Variants in TRIM62 observed in about 807,000 individuals in gnomAD.
TRIM62 encodes the protein E3 ubiquitin-protein ligase TRIM62.
TRIM62 carries 39 observed loss-of-function variants against 44.2 expected under a neutral mutation model. That is an observed-to-expected ratio of 0.88 (90% CI 0.68 to 1.15). TRIM62 has a LOEUF of 1.15. Among genes scored for constraint, TRIM62 ranks in the 50% most tolerant of loss-of-function variants. The probability of loss-of-function intolerance (pLI) is 0.00; values close to 1 mark genes in which losing one functional copy is unlikely to be tolerated. For synonymous variants in TRIM62, 278 were observed against 292.3 expected, an observed-to-expected ratio of 0.95 and a Z score of 0.50; for missense variants, 544 against 665.5, an observed-to-expected ratio of 0.82 and a Z score of 2.01.
intron 2 of TRIM62, among the ~76,000 whole-genome samples, chr1:33,160,718 T>TA (rs1444666594): frequency 4.6e-5 from 7 of 152,126 alleles, no homozygotes; most frequent in African/African-American, 1.2e-4. Flanking sequence ...GTCTTTATTT[T>TA]AAAAAAATCA....
chr1:33,162,538 C>G (rs1322676230), intron 2 of TRIM62, among the ~76,000 whole-genome samples: 1 of 152,224 alleles, frequency 6.6e-6, no homozygotes, highest in Non-Finnish European at 1.5e-5. Flanking sequence ...GTGCCCATCC[C>G]AGAGCCTGGT....
At chr1:33,158,754 C>T (rs1645216832) in intron 3 of TRIM62, among the ~76,000 whole-genome samples, 1 of 152,210 alleles carries the variant, frequency 6.6e-6, no homozygotes, top group African/African-American at 2.4e-5. Context: ...GTCACAGAGA[C>T]CTAGGCTTGA....
chr1:33,174,578 C>G (rs1255693408), intron 1 of TRIM62, among the ~76,000 whole-genome samples: 3 of 152,074 alleles, frequency 2.0e-5, no homozygotes, highest in Non-Finnish European at 4.4e-5. Flanking sequence ...GAGAGGTAGG[C>G]TGGGGGAGAG....
chr1:33,156,471 G>A (rs1416674896), intron 4 of TRIM62, among the ~76,000 whole-genome samples: 1 of 152,104 alleles, frequency 6.6e-6, no homozygotes. Context: ...ACTCTCTCCT[G>A]GAAATGCTTC....
Position 33,181,360 on chromosome 1 carries a change from C to A in TRIM62, c.73G>T (p.Gly25Cys). The A allele has an allele frequency of 6.3e-7, 1 of 1,595,748 alleles. No homozygotes were observed. Residue 25 changes from glycine to cysteine, a missense_variant, in exon 1 of 5, where the codon GGC becomes TGC. Coordinates refer to ENST00000291416, the MANE Select transcript of TRIM62 (RefSeq NM_018207.3). This position sits in a 1 kb window ranked among gnomAD's most constrained non-coding sequence, Gnocchi z 6.5. ...LSIYQDPVSL[G>C]CEHYFCRRCI... Reference sequence around the variant, plus strand: ...CGGCGGCAGAAGTAATGCTCGCAGCCCAGGCTCACCGGGTCCTGGTAGATG... The same window carrying A: ...CGGCGGCAGAAGTAATGCTCGCAGCACAGGCTCACCGGGTCCTGGTAGATG...
intron 4 of TRIM62, among the ~76,000 whole-genome samples, chr1:33,157,342 G>A (rs1164047889): frequency 1.3e-5 from 2 of 152,060 alleles, no homozygotes; most frequent in Non-Finnish European, 2.9e-5. Context: ...TGCACTTGCT[G>A]TCCCCATGCC....
In TRIM62 at chr1:33,161,577, G is replaced by A. The variant is rs1373795132; in HGVS notation, c.505-1633C>T. Among the ~76,000 whole-genome samples, 1 of 152,162 alleles carries A rather than the reference G, an allele frequency of 6.6e-6. No individual in the cohort carries two copies. The highest frequency in any genetic ancestry group is 6.5e-5 in the Admixed American group (1 of 15,286). On this transcript the variant is annotated intron_variant, in intron 2 of 4. Transcript: ENST00000291416. The surrounding 1 kb of genome is among the most constrained non-coding windows in gnomAD (Gnocchi z 4.3). ...CTCGCTGCGCATGCCCACCCAGAACGCCAGGCAGACAAAGGGGGGCGGACG... is the reference window on the plus strand; with the variant it reads ...CTCGCTGCGCATGCCCACCCAGAACACCAGGCAGACAAAGGGGGGCGGACG...
rs1185594407 is a variant in TRIM62 at position 33,181,322 on chromosome 1, C to T, written c.111G>A (p.Glu37=). ...EHYFCRRCIT[E]HWVRQEAQGA... ...CCTGCGCCTCCTGCCGCACCCAGTG[C>T]TCCGTGATGCAGCGGCGGCAGAAGT... The change falls in exon 1 of 5, where the codon GAG becomes GAA. Residue 37 remains glutamate (E), a synonymous_variant. Transcript: ENST00000291416. This position sits in a 1 kb window ranked among gnomAD's most constrained non-coding sequence, Gnocchi z 6.5. The T allele has an allele frequency of 1.3e-6, 2 of 1,571,608 alleles. No homozygotes were observed. Among genetic ancestry groups the T allele is most frequent in the Non-Finnish European group, 1.7e-6 (2 of 1,162,926 alleles).
At position 33,167,360 on chromosome 1, in the gene TRIM62, T is replaced by C. The variant is rs777535081; in HGVS notation, c.409-1794A>G. 6.6e-6 allele frequency among the ~76,000 whole-genome samples: 1 copy of C among 152,248 alleles called. No homozygotes were observed. The highest frequency in any genetic ancestry group is 1.5e-5 in the Non-Finnish European group (1 of 68,044). On this transcript the variant is annotated intron_variant, in intron 1 of 4. Transcript: ENST00000291416. This position sits in a 1 kb window ranked among gnomAD's most constrained non-coding sequence, Gnocchi z 4.2. ...CTTGTCTGGCTTGTTCCCTGCCTTA[T>C]GCCCAGGGACTCAGTGATTATTTGT...
rs1645015137 is a variant in TRIM62, at chr1:33,145,838, T to C, written c.*1339A>G. On this transcript the variant is annotated 3_prime_UTR_variant, in exon 5 of 5. Coordinates refer to ENST00000291416, the MANE Select transcript of TRIM62 (RefSeq NM_018207.3). Reference sequence around the variant, plus strand: ...GCAGAAAAACGCAGGTGGGGCTTGCTCCACCCACCCTAACTTCCTTCTAGG... The same window carrying C: ...GCAGAAAAACGCAGGTGGGGCTTGCCCCACCCACCCTAACTTCCTTCTAGG... 1 of 470,878 alleles carries C rather than the reference T, an allele frequency of 2.1e-6. No individual in the cohort carries two copies. Among genetic ancestry groups the C allele is most frequent in the Non-Finnish European group, 4.4e-6 (1 of 226,920 alleles). The allele number at this position is 470,878 out of a possible 1,614,324, so 29.2% of individuals were successfully genotyped here. A position where few individuals can be genotyped will look rare whatever the true frequency, so the allele number is the denominator to read the frequency against.
At position 33,165,486 on chromosome 1, in the gene TRIM62, T is replaced by C. The variant is rs202210682; in HGVS notation, c.489A>G (p.Gln163=). Reference sequence around the variant, plus strand: ...CCAGGCTCACCTTGGTCTCCGCCAGTTGTCGCTTGAGCAGCTGCAGCGCTT... The same window carrying C: ...CCAGGCTCACCTTGGTCTCCGCCAGCTGTCGCTTGAGCAGCTGCAGCGCTT... ...HTEALQLLKR[Q]LAETKSSTKS... Residue 163 remains glutamine, a synonymous_variant, in exon 2 of 5, where the codon CAA becomes CAG. Coordinates refer to ENST00000291416, the MANE Select transcript of TRIM62 (RefSeq NM_018207.3). This position sits in a 1 kb window ranked among gnomAD's most constrained non-coding sequence, Gnocchi z 4.0. 2.9e-5 allele frequency: 47 copies of C among 1,606,778 alleles called. 1 individual carries two copies. In the Admixed American group the frequency reaches 4.4e-4, roughly 15 times the overall value.
intron 4 of TRIM62, among the ~76,000 whole-genome samples, chr1:33,154,503 ATT>A (rs1645146348): frequency 6.7e-6 from 1 of 150,102 alleles, no homozygotes. Context: ...TCTTAATTAA[ATT>A]TGTTTTTTTT....
In TRIM62 at chr1:33,159,665, G is replaced by A. The variant is rs781270353; in HGVS notation, c.761+23C>T. 1.9e-6 allele frequency: 3 copies of A among 1,589,980 alleles called. No homozygotes were observed. The highest frequency in any genetic ancestry group is 1.1e-5 in the South Asian group (1 of 90,398). On this transcript the variant is annotated intron_variant, in intron 3 of 4. Transcript: ENST00000291416. This position sits in a 1 kb window ranked among gnomAD's most constrained non-coding sequence, Gnocchi z 4.2. ...CGAGGAGGGGATGGTCAGCCGGGGA[G>A]GGCCCCGGCGGGTGGCACTTACCGC... is the stretch of plus-strand genomic sequence containing the variant.
rs1307636484 is a variant in TRIM62, at chr1:33,161,058, T to C, written c.505-1114A>G. On this transcript the variant is annotated intron_variant, in intron 2 of 4. Transcript: ENST00000291416. This position sits in a 1 kb window ranked among gnomAD's most constrained non-coding sequence, Gnocchi z 4.3. ...ATGGCAACGTCAGTTGCCTAAGAGC[T>C]GTGAACCTTAGTTTTCTTATCTGTG... is the stretch of plus-strand genomic sequence containing the variant. 1.3e-5 allele frequency among the ~76,000 whole-genome samples: 2 copies of C among 152,274 alleles called. No homozygotes were observed. Among genetic ancestry groups the C allele is most frequent in the South Asian group, 2.1e-4 (1 of 4,836 alleles).
At chr1:33,170,883 G>A (rs1645368658) in intron 1 of TRIM62, among the ~76,000 whole-genome samples, 1 of 152,202 alleles carries the variant, frequency 6.6e-6, no homozygotes, top group East Asian at 1.9e-4. Flanking sequence ...TGAGACAATG[G>A]TAAGAAGTGT....
At position 33,165,633 on chromosome 1, in the gene TRIM62, A is replaced by C; in HGVS notation, c.409-67T>G. On this transcript the variant is annotated intron_variant, in intron 1 of 4. Coordinates refer to ENST00000291416, the MANE Select transcript of TRIM62 (RefSeq NM_018207.3). The surrounding 1 kb of genome is among the most constrained non-coding windows in gnomAD (Gnocchi z 4.0). ...CTGGCCCAGGCATTCAGCCCTGACC[A>C]CTGCCAGGCGCTGGGGGTTAGCCTG... The C allele has an allele frequency of 7.2e-7, 1 of 1,389,870 alleles. No individual in the cohort carries two copies. The highest frequency in any genetic ancestry group is 1.4e-5 in the South Asian group (1 of 70,272). 86.1% of individuals were successfully genotyped at this position (1,389,870 alleles called of 1,614,324 possible). A position where few individuals can be genotyped will look rare whatever the true frequency, so the allele number is the denominator to read the frequency against.
intron 2 of TRIM62, chr1:33,164,766 T>TATTC (rs112595375): frequency 4.6e-4 from 70 of 151,722 alleles, no homozygotes; most frequent in African/African-American, 9.7e-4. Flanking sequence ...GCAATGGGCT[T>TATTC]ATTCATTCAT....
chr1:33,146,136 T>C lies in TRIM62; in HGVS notation c.*1041A>G, dbSNP rs1645019372. On this transcript the variant is annotated 3_prime_UTR_variant, in exon 5 of 5. Coordinates refer to ENST00000291416, the MANE Select transcript of TRIM62 (RefSeq NM_018207.3). Reference sequence around the variant, plus strand: ...TCTGGCGCTGGGAGTTCCTGGAAATTCAGCAGAGTCTGCTTCTCCAGCTCT... The same window carrying C: ...TCTGGCGCTGGGAGTTCCTGGAAATCCAGCAGAGTCTGCTTCTCCAGCTCT... 7.5e-6 allele frequency: 2 copies of C among 265,102 alleles called. No individual in the cohort carries two copies. Among genetic ancestry groups the C allele is most frequent in the Admixed American group, 1.0e-4 (2 of 19,930 alleles). 16.4% of individuals were successfully genotyped at this position (265,102 alleles called of 1,614,324 possible).
In TRIM62 at chr1:33,177,093, GCACACACATGCA is replaced by G. The variant is rs937055593; in HGVS notation, c.408+3920_408+3931del. On this transcript the variant is annotated intron_variant, in intron 1 of 4. Coordinates refer to ENST00000291416, the MANE Select transcript of TRIM62 (RefSeq NM_018207.3). This position sits in a 1 kb window ranked among gnomAD's most constrained non-coding sequence, Gnocchi z 4.1. ...CACACACACACATGCATGCACAAATGCACACACATGCACACACACATGCATGTACGCATGCAC... is the reference window on the plus strand; with the variant it reads ...CACACACACACATGCATGCACAAATGCACACACATGCATGTACGCATGCAC... Among the ~76,000 whole-genome samples, 1 of 148,936 alleles carries G rather than the reference GCACACACATGCA, an allele frequency of 6.7e-6. No homozygotes were observed. The highest frequency in any genetic ancestry group is 2.5e-5 in the African/African-American group (1 of 40,270).
Sources: allele counts gnomAD v4.1 joint callset (sites outside exome capture counted in the v4.1 genomes callset), GRCh38; gene constraint gnomAD v4.1.1; non-coding constraint Gnocchi (gnomAD v3.1); transcripts MANE v1.5; gene names NCBI Gene and HGNC (gene_info 2026-07-23, HGNC 2026-07-21).